PPP6R2: variants seen among roughly 807,000 people sequenced by gnomAD.
The protein encoded by PPP6R2 is protein phosphatase 6 regulatory subunit 2.
In PPP6R2, 62 loss-of-function variants were observed where a neutral mutation model predicts 100.2. That is an observed-to-expected ratio of 0.62 (90% CI 0.50 to 0.76). PPP6R2 has a LOEUF of 0.76. PPP6R2 is among the 30% of genes least tolerant of loss of function. The pLI is 0.00. For missense variants in PPP6R2, 1,142 were observed against 1,276.3 expected, an observed-to-expected ratio of 0.89 and a Z score of 1.60; for synonymous variants, 525 against 514.7, an observed-to-expected ratio of 1.02 and a Z score of -0.27.
intron 1 of PPP6R2, among the ~76,000 whole-genome samples, chr22:50,364,954 G>A (rs1396542715): frequency 6.6e-6 from 1 of 151,768 alleles, no homozygotes; most frequent in East Asian, 1.9e-4. Context: ...ATGTGTGATG[G>A]TATTAGAAGG....
intron 19 of PPP6R2, among the ~76,000 whole-genome samples, chr22:50,439,039 T>TCCAGCCCCAGCC: frequency 6.6e-6 from 1 of 152,218 alleles, no homozygotes; most frequent in Admixed American, 6.5e-5. Flanking sequence ...CCATCGTCCG[T>TCCAGCCCCAGCC]CCAGCCCCCA....
intron 22 of PPP6R2, 106 bp downstream of exon 22, chr22:50,441,132 G>A: frequency 1.9e-6 from 2 of 1,036,796 alleles, no homozygotes; most frequent in African/African-American, 1.6e-5. Flanking sequence ...GCCAGGCCAG[G>A]GTCTTCTCCA....
chr22:50,442,924 G>C (rs1201327048), intron 22 of PPP6R2, among the ~76,000 whole-genome samples: 3 of 151,494 alleles, frequency 2.0e-5, no homozygotes, highest in Non-Finnish European at 4.4e-5. Flanking sequence ...CAGCACTTTG[G>C]GAGGCCGAGG....
At chr22:50,418,733 G>A (rs1399704944) in intron 6 of PPP6R2, 134 bp from the exon 7 acceptor site, 13 of 699,156 alleles carry the variant, frequency 1.9e-5, no homozygotes, top group Non-Finnish European at 3.0e-5. Flanking sequence ...GAACATCACA[G>A]TGGTATTGAA....
intron 19 of PPP6R2, among the ~76,000 whole-genome samples, chr22:50,439,048 C>G (rs2065021855): frequency 6.6e-6 from 1 of 150,636 alleles, no homozygotes; most frequent in South Asian, 2.1e-4. Context: ...GTCCAGCCCC[C>G]ACACAGTCAG....
chr22:50,348,745 G>T (rs895809509), intron 1 of PPP6R2, among the ~76,000 whole-genome samples: 7 of 152,236 alleles, frequency 4.6e-5, no homozygotes, highest in Admixed American at 1.3e-4. Context: ...TGGGGGCAAG[G>T]TATAAAGCCT....
chr22:50,335,218 ATTTTTTTTTTTTT>A, the PPP6R2 span, among the ~76,000 whole-genome samples: 1 of 101,658 alleles, frequency 9.8e-6, no homozygotes, highest in Admixed American at 1.1e-4. Flanking sequence ...CACCCGGCTA[ATTTTTTTTTTTTT>A]TTTTTTTTTT....
intron 3 of PPP6R2, among the ~76,000 whole-genome samples, chr22:50,394,476 C>T (rs12159897): frequency 6.6e-6 from 1 of 151,314 alleles, no homozygotes; most frequent in Non-Finnish European, 1.5e-5. Context: ...TTGTAGACCT[C>T]TGGTTCCAGC....
At chr22:50,432,420 G>A in intron 12 of PPP6R2, 91 bp downstream of exon 12, 1 of 1,243,394 alleles carries the variant, frequency 8.0e-7, no homozygotes, top group Non-Finnish European at 1.1e-6. Context: ...GCTGCGTGCA[G>A]GACTGCAGGA....
intron 1 of PPP6R2, among the ~76,000 whole-genome samples, chr22:50,360,956 T>C (rs1207032261): frequency 1.3e-5 from 2 of 152,236 alleles, no homozygotes; most frequent in African/African-American, 4.8e-5. Context: ...CAGTGTCCTC[T>C]CTCTGGGCTA....
At chr22:50,427,015 C>T (rs2062261634) in intron 10 of PPP6R2, among the ~76,000 whole-genome samples, 1 of 151,474 alleles carries the variant, frequency 6.6e-6, no homozygotes. Flanking sequence ...AGTGAAACCC[C>T]GTCTCTGCTA....
upstream of PPP6R2, among the ~76,000 whole-genome samples, chr22:50,339,141 TTGTGGTGTGTGTGTGGTATGTGGTGTG>T (rs1262039737): frequency 8.8e-6 from 1 of 114,162 alleles, no homozygotes. Flanking sequence ...TGTGTGTGGT[TTGTGGTGTGTGTGTGGTATGTGGTGTG>T]TGTGGTGTGC....
chr22:50,418,634 C>T (rs540923904), intron 6 of PPP6R2, among the ~76,000 whole-genome samples: 1 of 152,120 alleles, frequency 6.6e-6, no homozygotes, highest in East Asian at 1.9e-4. Flanking sequence ...GATCTGCCTG[C>T]CTTGGCCTCC....
At chr22:50,429,489 T>G (rs934332236) in intron 10 of PPP6R2, among the ~76,000 whole-genome samples, 3 of 152,246 alleles carry the variant, frequency 2.0e-5, no homozygotes, top group Non-Finnish European at 4.4e-5. Flanking sequence ...TATAATTCTT[T>G]TGATATGATG....
At chr22:50,342,428 C>T (rs998451882), upstream of PPP6R2, among the ~76,000 whole-genome samples, 37 of 152,356 alleles carry the variant, frequency 2.4e-4, no homozygotes, top group African/African-American at 8.4e-4. Context: ...GTCGGGGAAG[C>T]CCGGGGCCGC....
chr22:50,431,722 C>T lies in PPP6R2; in HGVS notation c.1335+340C>T, dbSNP rs1238843087. ...AGCAGTGTCAGTGATGGGAGCCACA[C>T]GGTGGGGAGGGGATGCTGAGGGACA... is the stretch of plus-strand genomic sequence containing the variant. On this transcript the variant is annotated intron_variant, in intron 11 of 23. Transcript: ENST00000612753. This position sits in a 1 kb window ranked among gnomAD's most constrained non-coding sequence, Gnocchi z 4.8. 3.3e-5 allele frequency among the ~76,000 whole-genome samples: 5 copies of T among 152,016 alleles called. No homozygotes were observed. In the South Asian group the frequency reaches 6.2e-4, roughly 19 times the overall value.
chr22:50,413,620 A>G lies in PPP6R2; in HGVS notation c.415-932A>G, dbSNP rs192778987. 1.5e-3 allele frequency among the ~76,000 whole-genome samples: 224 copies of G among 152,252 alleles called. 6 individuals are homozygous for G. Among genetic ancestry groups the G allele is most frequent in the East Asian group, 4.6e-3 (24 of 5,178 alleles). On this transcript the variant is annotated intron_variant, in intron 4 of 23. Coordinates refer to ENST00000612753, the MANE Select transcript of PPP6R2 (RefSeq NM_001242898.2). The stretch of plus-strand genomic sequence containing the variant: ...CTTCTGTTTTGTCCTTCGTCTTTCT[A>G]GAAGTTTAATCATCCTTTTCAAAGA...
At chr22:50,400,774 A>G (rs1054824334) in intron 3 of PPP6R2, among the ~76,000 whole-genome samples, 1 of 152,232 alleles carries the variant, frequency 6.6e-6, no homozygotes, top group Non-Finnish European at 1.5e-5. Context: ...TAGACAAATG[A>G]GGTCAACAGT....
In PPP6R2 at chr22:50,370,769, G is replaced by A. The variant is rs8141484; in HGVS notation, c.-147-1251G>A. On this transcript the variant is annotated intron_variant, in intron 1 of 23. Coordinates refer to ENST00000612753, the MANE Select transcript of PPP6R2 (RefSeq NM_001242898.2). The stretch of plus-strand genomic sequence containing the variant: ...CTGCCTCAGCCTCCCGAGTAGCTGG[G>A]ATTACAGGCGCCTGCCATTGTGCCT... 7.6e-3 allele frequency among the ~76,000 whole-genome samples: 1,161 copies of A among 151,918 alleles called. 16 individuals carry two copies. The highest frequency in any genetic ancestry group is 0.027 in the African/African-American group (1,104 of 41,394).
Sources: allele counts gnomAD v4.1 joint callset (sites outside exome capture counted in the v4.1 genomes callset), GRCh38; gene constraint gnomAD v4.1.1; non-coding constraint Gnocchi (gnomAD v3.1); transcripts MANE v1.5; gene names NCBI Gene and HGNC (gene_info 2026-07-23, HGNC 2026-07-21).